Variants in SRSF3 observed in about 807,000 individuals in gnomAD.
SRSF3 encodes the protein serine and arginine rich splicing factor 3, also known as serine/arginine-rich splicing factor 3.
For synonymous variants in SRSF3, 87 were observed against 73.6 expected (o/e 1.18, Z -0.93); for missense variants, 58 against 217.1 (o/e 0.27, Z 4.61).
Position 36,601,944 on chromosome 6 carries a change from T to TTTC in SRSF3, c.468-16_468-15insCTT. The TTTC allele has an allele frequency of 1.4e-6, 2 of 1,413,318 alleles. No individual in the cohort carries two copies. The highest frequency in any genetic ancestry group is 1.9e-6 in the Non-Finnish European group (2 of 1,036,756). The allele number at this position is 1,413,318 out of a possible 1,614,324, so 87.5% of individuals were successfully genotyped here. ...ACAGATGTAATGTTTTGTTTTCTTTTTTTTTTTTTTTTTTTAGTCGATCTA... is the reference window on the plus strand; with the variant it reads ...ACAGATGTAATGTTTTGTTTTCTTTTTTCTTTTTTTTTTTTTTTAGTCGATCTA... On this transcript the variant is annotated splice_polypyrimidine_tract_variant and intron_variant, in intron 5 of 5. Transcript: ENST00000373715.
At chr6:36,596,574 C>CGGGGGGGT (rs1554180244) in intron 1 of SRSF3, among the ~76,000 whole-genome samples, 187 bp from the exon 2 acceptor site, 3 of 91,962 alleles carry the variant, frequency 3.3e-5, no homozygotes, top group African/African-American at 1.5e-4. Flanking sequence ...GGCGGGGTGG[C>CGGGGGGGT]GGGGGGGGGG....
At chr6:36,596,574 C>G (rs888425354) in intron 1 of SRSF3, among the ~76,000 whole-genome samples, 187 bp from the exon 2 acceptor site, 242 of 91,816 alleles carry the variant, frequency 2.6e-3, no homozygotes, top group African/African-American at 6.2e-3. Flanking sequence ...GGCGGGGTGG[C>G]GGGGGGGGGG....
intron 2 of SRSF3, 129 bp downstream of exon 2, chr6:36,597,097 CTTTTTTTTTTT>C (rs35760494): frequency 2.1e-4 from 76 of 363,036 alleles, no homozygotes; most frequent in South Asian, 1.7e-3. Context: ...CAATTGGGAT[CTTTTTTTTTTT>C]TTTTTTTTTT....
At chr6:36,601,001 CTTTTTTTTTT>C (rs775227806) in intron 3 of SRSF3, 141 bp from the exon 4 acceptor site, 81 of 86,464 alleles carry the variant, frequency 9.4e-4, no homozygotes, top group Non-Finnish European at 1.1e-3. Flanking sequence ...TCTTTTTTTT[CTTTTTTTTTT>C]TTTTTTTTTT....
rs1778748534 is a variant in SRSF3 at position 36,603,187 on chromosome 6, T to C, written c.*1198T>C. Reference sequence around the variant, plus strand: ...CTTAAACACAAAGTAAGTTGCCCATTAACAAATGGCTTTTATCTTTAGCAT... The same window carrying C: ...CTTAAACACAAAGTAAGTTGCCCATCAACAAATGGCTTTTATCTTTAGCAT... On this transcript the variant is annotated 3_prime_UTR_variant, in exon 6 of 6. Coordinates refer to ENST00000373715, the MANE Select transcript of SRSF3 (RefSeq NM_003017.5). 2 of 224,560 alleles carry C rather than the reference T, an allele frequency of 8.9e-6. No individual in the cohort carries two copies. Among genetic ancestry groups the C allele is most frequent in the Non-Finnish European group, 8.9e-6 (1 of 112,332 alleles). 13.9% of individuals were successfully genotyped at this position (224,560 alleles called of 1,614,324 possible). A position where few individuals can be genotyped will look rare whatever the true frequency, so the allele number is the denominator to read the frequency against.
chr6:36,602,908 T>C lies in SRSF3; in HGVS notation c.*919T>C. 1 of 211,694 alleles carries C rather than the reference T, an allele frequency of 4.7e-6. No homozygotes were observed. Among genetic ancestry groups the C allele is most frequent in the East Asian group, 7.2e-5 (1 of 13,974 alleles). 13.1% of individuals were successfully genotyped at this position (211,694 alleles called of 1,614,324 possible). On this transcript the variant is annotated 3_prime_UTR_variant, in exon 6 of 6. Coordinates refer to ENST00000373715, the MANE Select transcript of SRSF3 (RefSeq NM_003017.5). ...AAAGTGCTTTTGAATTAATAAAATA[T>C]TAGCATAATTGTGTATAGTCAGTTG... is the stretch of plus-strand genomic sequence containing the variant.
intron 2 of SRSF3, among the ~76,000 whole-genome samples, chr6:36,598,154 T>C (rs1778662831): frequency 6.6e-6 from 1 of 152,166 alleles, no homozygotes; most frequent in Non-Finnish European, 1.5e-5. Context: ...TGCAGGGACT[T>C]CAAGGGAAGA....
In SRSF3 at chr6:36,602,630, A is replaced by G. The variant is rs1778736562; in HGVS notation, c.*641A>G. Reference sequence around the variant, plus strand: ...GCTGTTCGTGACATTCTTTATGTGCAAATTTGTGATTTCAAAAATGTCCTG... The same window carrying G: ...GCTGTTCGTGACATTCTTTATGTGCGAATTTGTGATTTCAAAAATGTCCTG... On this transcript the variant is annotated 3_prime_UTR_variant, in exon 6 of 6. Coordinates refer to ENST00000373715, the MANE Select transcript of SRSF3 (RefSeq NM_003017.5). 4.6e-6 allele frequency: 1 copy of G among 216,126 alleles called. No individual in the cohort carries two copies. The allele number at this position is 216,126 out of a possible 1,614,324, so 13.4% of individuals were successfully genotyped here.
chr6:36,597,671 G>T (rs1255321837), intron 2 of SRSF3, among the ~76,000 whole-genome samples: 1 of 151,966 alleles, frequency 6.6e-6, no homozygotes. Context: ...CTGTAAAGCT[G>T]CATGAAAGGT....
At position 36,602,334 on chromosome 6, in the gene SRSF3, C is replaced by T. The variant is rs145617763; in HGVS notation, c.*345C>T. 202 of 287,772 alleles carry T rather than the reference C, an allele frequency of 7.0e-4. 1 individual carries two copies. The highest frequency in any genetic ancestry group is 3.3e-3 in the African/African-American group (156 of 46,828). 17.8% of individuals were successfully genotyped at this position (287,772 alleles called of 1,614,324 possible). On this transcript the variant is annotated 3_prime_UTR_variant, in exon 6 of 6. Transcript: ENST00000373715. ...TTTTTAAATTTAAATACAGAAACAA[C>T]TGGCAAAAATTGAACTAAGATTTAC...
intron 2 of SRSF3, 166 bp downstream of exon 2, chr6:36,597,134 C>G: frequency 1.6e-6 from 1 of 611,566 alleles, no homozygotes; most frequent in South Asian, 2.0e-5. Context: ...GGAGACGAGT[C>G]TTGCACTGTC....
Sources: allele counts gnomAD v4.1 joint callset (sites outside exome capture counted in the v4.1 genomes callset), GRCh38; gene constraint gnomAD v4.1.1; transcripts MANE v1.5; gene names NCBI Gene and HGNC (gene_info 2026-07-23, HGNC 2026-07-21).